The following CDH13 variants were observed in gnomAD, a reference collection of about 807,000 sequenced individuals.
The protein encoded by CDH13 is cadherin-13.
A neutral mutation model predicts 63.8 loss-of-function variants in CDH13; 24 were observed. The ratio of observed to expected loss-of-function variants is 0.38; its 90% CI spans 0.27 to 0.53. The LOEUF is 0.53. Ranked by LOEUF, CDH13 falls within the 20% of genes least tolerant of loss-of-function variation. The pLI is 0.85. For synonymous variants in CDH13, 503 were observed against 355.3 expected (o/e 1.42, Z -4.67); for missense variants, 1,049 against 903.1 (o/e 1.16, Z -2.07).
rs1341741373 is a variant in CDH13 at position 83,799,593 on chromosome 16, C to G, written c.*4563C>G. On this transcript the variant is annotated 3_prime_UTR_variant, in exon 14 of 14. Transcript: ENST00000567109. ...GAAACCCAAGCACTAAAAAAGCCACCTACCTTTTCTGTTTACCAAATACTA... is the reference window on the plus strand; with the variant it reads ...GAAACCCAAGCACTAAAAAAGCCACGTACCTTTTCTGTTTACCAAATACTA... 1 of 152,150 alleles carries G rather than the reference C, an allele frequency of 6.6e-6. No individual in the cohort carries two copies. Among genetic ancestry groups the G allele is most frequent in the African/African-American group, 2.4e-5 (1 of 41,430 alleles). The allele number at this position is 152,150 out of a possible 1,614,324, so 9.4% of individuals were successfully genotyped here. A position where few individuals can be genotyped will look rare whatever the true frequency, so the allele number is the denominator to read the frequency against.
rs553358757 is a variant in CDH13 at position 82,887,834 on chromosome 16, A to G, written c.157+29361A>G. Among the ~76,000 whole-genome samples the G allele has an allele frequency of 2.0e-5, 3 of 152,178 alleles. No homozygotes were observed. In the South Asian group the frequency reaches 6.2e-4, roughly 32 times the overall value. On this transcript the variant is annotated intron_variant, in intron 2 of 13. Transcript: ENST00000567109. ...GAGACTCCGTCTCAGAAAAAAAAAG[A>G]AAGGAGAAGAGTGTCTCAAGGGTTT...
intron 10 of CDH13, among the ~76,000 whole-genome samples, chr16:83,747,652 G>T (rs893170074): frequency 3.3e-5 from 5 of 151,052 alleles, no homozygotes; most frequent in African/African-American, 1.2e-4. Context: ...TGCATTCTCT[G>T]TGAGGTGCCC....
intron 7 of CDH13, among the ~76,000 whole-genome samples, chr16:83,579,586 C>T (rs1441529832): frequency 6.6e-6 from 1 of 152,118 alleles, no homozygotes; most frequent in South Asian, 2.1e-4. Flanking sequence ...TCACCTCCCA[C>T]CAGGTTCCTC....
intron 6 of CDH13, among the ~76,000 whole-genome samples, chr16:83,467,994 A>G (rs977769651): frequency 6.6e-6 from 1 of 151,930 alleles, no homozygotes; most frequent in African/African-American, 2.4e-5. Flanking sequence ...TCCATTCTTC[A>G]CTCTGGCAGT....
At chr16:83,002,666 G>T (rs550825521) in intron 2 of CDH13, among the ~76,000 whole-genome samples, 1 of 152,326 alleles carries the variant, frequency 6.6e-6, no homozygotes, top group East Asian at 1.9e-4. Flanking sequence ...AGCAGAATAA[G>T]CGGGGAAGAG....
intron 11 of CDH13, among the ~76,000 whole-genome samples, chr16:83,769,743 T>G (rs778408018): frequency 2.0e-5 from 3 of 152,186 alleles, no homozygotes; most frequent in Non-Finnish European, 4.4e-5. Context: ...TGCTTTGATC[T>G]GCAAATTGAC....
intron 3 of CDH13, among the ~76,000 whole-genome samples, chr16:83,092,929 G>A (rs1053608806): frequency 6.6e-5 from 10 of 152,128 alleles, no homozygotes; most frequent in Non-Finnish European, 1.2e-4. Flanking sequence ...CGGTACTTTT[G>A]CGCAAGATTT....
At chr16:83,352,884 C>A (rs761049527) in intron 6 of CDH13, among the ~76,000 whole-genome samples, 2 of 152,022 alleles carry the variant, frequency 1.3e-5, no homozygotes, top group African/African-American at 4.8e-5. Flanking sequence ...AGCGAGACTC[C>A]GTCTCAAAAA....
At chr16:83,276,742 G>T (rs1250841819) in intron 5 of CDH13, among the ~76,000 whole-genome samples, 1 of 152,114 alleles carries the variant, frequency 6.6e-6, no homozygotes, top group South Asian at 2.1e-4. Context: ...ATGGTGACAG[G>T]CACCTGTAGC....
At chr16:83,370,548 C>T (rs560398699) in intron 6 of CDH13, among the ~76,000 whole-genome samples, 2 of 152,164 alleles carry the variant, frequency 1.3e-5, no homozygotes, top group African/African-American at 2.4e-5. Flanking sequence ...GTTTGGTGTA[C>T]AGATTATTTC....
intron 6 of CDH13, among the ~76,000 whole-genome samples, chr16:83,462,552 A>G (rs2073207954): frequency 6.6e-6 from 1 of 152,214 alleles, no homozygotes; most frequent in African/African-American, 2.4e-5. Context: ...GGAGTTTGAG[A>G]CCAGCCTGGC....
intron 1 of CDH13, among the ~76,000 whole-genome samples, chr16:82,664,235 G>C (rs1912321458): frequency 6.6e-6 from 1 of 152,246 alleles, no homozygotes; most frequent in Admixed American, 6.5e-5. Context: ...GCCATTGCCT[G>C]TTCTTCACAT....
At chr16:83,105,073 G>T (rs1237265850) in intron 3 of CDH13, among the ~76,000 whole-genome samples, 2 of 152,138 alleles carry the variant, frequency 1.3e-5, no homozygotes, top group South Asian at 2.1e-4. Flanking sequence ...ATAGGTAAAC[G>T]TGTGCCATGG....
At chr16:83,261,893 T>A (rs985731378) in intron 5 of CDH13, among the ~76,000 whole-genome samples, 2 of 151,748 alleles carry the variant, frequency 1.3e-5, no homozygotes, top group African/African-American at 4.8e-5. Flanking sequence ...ACTCAAAGAG[T>A]CTTATGAGCC....
chr16:83,308,234 A>C (rs1429671238), intron 5 of CDH13, among the ~76,000 whole-genome samples: 4 of 152,200 alleles, frequency 2.6e-5, no homozygotes, highest in Non-Finnish European at 4.4e-5. Flanking sequence ...ACTAGCCTTC[A>C]TCTTTCCAAA....
chr16:83,282,652 A>G (rs1452327931), intron 5 of CDH13, among the ~76,000 whole-genome samples: 1 of 152,248 alleles, frequency 6.6e-6, no homozygotes, highest in South Asian at 2.1e-4. Flanking sequence ...GCTCCTGTAA[A>G]TCAACAAGAA....
At chr16:82,834,257 C>A (rs1410055177) in intron 1 of CDH13, among the ~76,000 whole-genome samples, 13 of 152,090 alleles carry the variant, frequency 8.5e-5, no homozygotes, top group Non-Finnish European at 1.3e-4. Context: ...AAAGCAGGGG[C>A]CTGCATTAGA....
intron 4 of CDH13, among the ~76,000 whole-genome samples, chr16:83,135,504 T>G (rs751119005): frequency 7.2e-5 from 11 of 152,158 alleles, no homozygotes; most frequent in Non-Finnish European, 1.6e-4. Flanking sequence ...AACAGTCTAT[T>G]TGTGGTACAA....
At chr16:83,388,119 T>C (rs2091711466) in intron 6 of CDH13, among the ~76,000 whole-genome samples, 1 of 151,992 alleles carries the variant, frequency 6.6e-6, no homozygotes, top group Non-Finnish European at 1.5e-5. Context: ...GCAGGTTTTT[T>C]ATTGTTGTTT....
Sources: allele counts gnomAD v4.1 joint callset (sites outside exome capture counted in the v4.1 genomes callset), GRCh38; gene constraint gnomAD v4.1.1; transcripts MANE v1.5; gene names NCBI Gene and HGNC (gene_info 2026-07-23, HGNC 2026-07-21).